PARVA: variants seen among roughly 807,000 people sequenced by gnomAD.
The protein encoded by PARVA is alpha-parvin.
In PARVA, 25 loss-of-function variants were observed where a neutral mutation model predicts 52.6. The ratio of observed to expected loss-of-function variants is 0.48; its 90% CI spans 0.35 to 0.66. The LOEUF is 0.66. PARVA is among the 30% of genes least tolerant of loss of function. The pLI is 0.01. For synonymous variants in PARVA, 185 were observed against 179.1 expected (o/e 1.03, Z -0.26); for missense variants, 373 against 450.9 (o/e 0.83, Z 1.56).
chr11:12,516,906 C>T (rs771473653), intron 10 of PARVA, among the ~76,000 whole-genome samples: 2 of 152,160 alleles, frequency 1.3e-5, no homozygotes, highest in Non-Finnish European at 2.9e-5. Flanking sequence ...GGAATTTGCA[C>T]CTGGGAGGCC....
At chr11:12,380,115 A>C (rs1176213651) in intron 1 of PARVA, among the ~76,000 whole-genome samples, 3 of 152,190 alleles carry the variant, frequency 2.0e-5, no homozygotes, top group African/African-American at 7.2e-5. Context: ...AACATCCTCT[A>C]TTCCTCACAG....
chr11:12,513,327 C>G lies in PARVA; in HGVS notation c.765C>G (p.Asp255Glu). ...HERDAFDTLF[D>E]HAPDKLNVVK... ...GTGATGCCTTTGACACCTTGTTCGA[C>G]CATGCCCCAGACAAGCTGAATGTGG... Residue 255 changes from aspartate to glutamate, a missense_variant, in exon 9 of 13, where the codon GAC becomes GAG. Transcript: ENST00000334956. 1.2e-6 allele frequency: 2 copies of G among 1,613,872 alleles called. No homozygotes were observed. Among genetic ancestry groups the G allele is most frequent in the Non-Finnish European group, 1.7e-6 (2 of 1,179,776 alleles).
Position 12,525,771 on chromosome 11 carries a change from G to A in PARVA, c.1043-2078G>A, listed in dbSNP as rs191563208. 4.4e-4 allele frequency among the ~76,000 whole-genome samples: 67 copies of A among 151,682 alleles called. 1 individual carries two copies. The highest frequency in any genetic ancestry group is 1.0e-3 in the African/African-American group (43 of 41,410). The stretch of plus-strand genomic sequence containing the variant: ...CACCATGGGAGCAGAAACAGAATCT[G>A]GGAGCTCCAGGCCACTCCAGGCCTC... On this transcript the variant is annotated intron_variant, in intron 12 of 12. Transcript: ENST00000334956.
chr11:12,433,955 G>A (rs548773500), intron 1 of PARVA, among the ~76,000 whole-genome samples: 1 of 152,274 alleles, frequency 6.6e-6, no homozygotes, highest in South Asian at 2.1e-4. Flanking sequence ...TTGTTACCAG[G>A]CCTCTCTGTT....
intron 6 of PARVA, among the ~76,000 whole-genome samples, chr11:12,508,106 A>C (rs1421214010): frequency 7.9e-6 from 1 of 126,744 alleles, no homozygotes; most frequent in Non-Finnish European, 1.6e-5. Flanking sequence ...AGTTAAAAAA[A>C]AAAAAAAAAA....
rs1466739923 is a variant in PARVA, at chr11:12,530,241, G to A, written c.*2316G>A. ...TTCTTTGTCTCAGCCCAGAATCCCA[G>A]GTCCTGGGCCTGGTTTTCTAATGCT... On this transcript the variant is annotated 3_prime_UTR_variant, in exon 13 of 13. Coordinates refer to ENST00000334956, the MANE Select transcript of PARVA (RefSeq NM_018222.5). The A allele has an allele frequency of 6.6e-6, 1 of 152,094 alleles. No individual in the cohort carries two copies. Among genetic ancestry groups the A allele is most frequent in the Non-Finnish European group, 1.5e-5 (1 of 68,026 alleles). 9.4% of individuals were successfully genotyped at this position (152,094 alleles called of 1,614,324 possible). A position where few individuals can be genotyped will look rare whatever the true frequency, so the allele number is the denominator to read the frequency against.
At chr11:12,426,548 A>C (rs1238179244) in intron 1 of PARVA, among the ~76,000 whole-genome samples, 1 of 119,520 alleles carries the variant, frequency 8.4e-6, no homozygotes, top group African/African-American at 4.8e-5. Context: ...TGCTCCAAGC[A>C]ATAAATATAT....
chr11:12,482,996 C>T (rs998683691), intron 4 of PARVA, among the ~76,000 whole-genome samples: 1 of 152,234 alleles, frequency 6.6e-6, no homozygotes, highest in African/African-American at 2.4e-5. Context: ...TGCCATGTGA[C>T]TTTGGCTGGC....
chr11:12,468,397 C>T (rs952548125), intron 1 of PARVA, among the ~76,000 whole-genome samples: 8 of 152,206 alleles, frequency 5.3e-5, no homozygotes, highest in African/African-American at 1.4e-4. Flanking sequence ...GTTTGCTTTT[C>T]CCCTGGTATT....
chr11:12,477,976 T>C (rs1941037589), intron 4 of PARVA, 27 bp downstream of exon 4: 1 of 1,237,708 alleles, frequency 8.1e-7, no homozygotes, highest in South Asian at 1.2e-5. Context: ...CTGCAATGGA[T>C]GTGTGTTTAA....
intron 1 of PARVA, among the ~76,000 whole-genome samples, chr11:12,399,449 C>A (rs1939795108): frequency 6.6e-6 from 1 of 152,158 alleles, no homozygotes; most frequent in Non-Finnish European, 1.5e-5. Context: ...CTGGTCTATA[C>A]CCTGTTCAAC....
At position 12,406,661 on chromosome 11, in the gene PARVA, G is replaced by GTTTTTTTTTTTTTT. The variant is rs571973101; in HGVS notation, c.136+28892_136+28905dup. Among the ~76,000 whole-genome samples, 123 of 77,790 alleles carry GTTTTTTTTTTTTTT rather than the reference G, an allele frequency of 1.6e-3. 13 individuals are homozygous for GTTTTTTTTTTTTTT. Among genetic ancestry groups the GTTTTTTTTTTTTTT allele is most frequent in the Non-Finnish European group, 2.2e-3 (86 of 39,698 alleles). 51.0% of individuals were successfully genotyped at this position (77,790 alleles called of 152,430 possible). A position where few individuals can be genotyped will look rare whatever the true frequency, so the allele number is the denominator to read the frequency against. ...ATTGTTAGCTATTTAGGTTGTATCT[G>GTTTTTTTTTTTTTT]TTTTTTTTTTTTTTTTTTTTTTTTT... On this transcript the variant is annotated intron_variant, in intron 1 of 12. Transcript: ENST00000334956.
At chr11:12,497,604 G>A (rs1941313780) in intron 5 of PARVA, among the ~76,000 whole-genome samples, 1 of 152,166 alleles carries the variant, frequency 6.6e-6, no homozygotes. Flanking sequence ...TGCACAGCAT[G>A]ATCAGCTGCT....
At chr11:12,524,782 T>C (rs1941679911) in intron 12 of PARVA, among the ~76,000 whole-genome samples, 1 of 152,228 alleles carries the variant, frequency 6.6e-6, no homozygotes, top group African/African-American at 2.4e-5. Flanking sequence ...GTTAATATCC[T>C]TGGAGGGTCC....
At chr11:12,524,370 A>T (rs563252884) in intron 12 of PARVA, among the ~76,000 whole-genome samples, 3 of 152,316 alleles carry the variant, frequency 2.0e-5, no homozygotes, top group African/African-American at 7.2e-5. Context: ...TGAACATAAA[A>T]ATGTCACTTA....
chr11:12,416,305 A>G (rs1940066651), intron 1 of PARVA, among the ~76,000 whole-genome samples: 1 of 152,224 alleles, frequency 6.6e-6, no homozygotes, highest in African/African-American at 2.4e-5. Context: ...ACACATCCCC[A>G]TCTTTCATCC....
chr11:12,468,046 G>T lies in PARVA; in HGVS notation c.137-5699G>T, dbSNP rs996951516. Among the ~76,000 whole-genome samples, 3 of 152,216 alleles carry T rather than the reference G, an allele frequency of 2.0e-5. No individual in the cohort carries two copies. In the East Asian group the frequency reaches 5.8e-4, roughly 29 times the overall value. ...GTGCCTTTTGTAGTGCACCTGTGTT[G>T]GTTGAAAATTTACATTTTCAAGGTC... On this transcript the variant is annotated intron_variant, in intron 1 of 12. Coordinates refer to ENST00000334956, the MANE Select transcript of PARVA (RefSeq NM_018222.5).
intron 1 of PARVA, among the ~76,000 whole-genome samples, chr11:12,382,017 G>A (rs1264772178): frequency 1.3e-5 from 2 of 152,120 alleles, no homozygotes; most frequent in African/African-American, 2.4e-5. Context: ...TTTTAACTGC[G>A]GTACACAATT....
intron 1 of PARVA, among the ~76,000 whole-genome samples, chr11:12,448,481 T>C (rs1589961217): frequency 6.6e-6 from 1 of 152,164 alleles, no homozygotes. Context: ...AGACATTGGG[T>C]AAGGGTGCTT....
Sources: gnomAD v4.1 joint callset for allele counts (sites outside exome capture counted in the v4.1 genomes callset) on GRCh38, gnomAD v4.1.1 for gene constraint, MANE v1.5 for transcripts, NCBI Gene and HGNC (gene_info 2026-07-23, HGNC 2026-07-21) for gene names.